The following EXOC6 variants were observed in gnomAD, a reference collection of about 807,000 sequenced individuals.
The protein encoded by EXOC6 is SEC15-like 1.
EXOC6 carries 60 observed loss-of-function variants against 112.5 expected under a neutral mutation model. That is an observed-to-expected ratio of 0.53 (90% CI 0.43 to 0.66). The LOEUF (loss-of-function observed/expected upper bound fraction) is 0.66, where lower values mean the gene tolerates loss of function less well. Among genes scored for constraint, EXOC6 ranks in the 30% least tolerant of loss-of-function variants. The pLI, the probability that EXOC6 is intolerant of heterozygous loss-of-function variation, is 0.00. For missense variants in EXOC6, 855 were observed against 957.1 expected (o/e 0.89, Z 1.41); for synonymous variants, 295 against 308.0 (o/e 0.96, Z 0.44).
At chr10:93,007,445 G>A (rs907433660) in intron 19 of EXOC6, among the ~76,000 whole-genome samples, 9 of 152,200 alleles carry the variant, frequency 5.9e-5, no homozygotes, top group Middle Eastern at 3.4e-3. Flanking sequence ...GAGGTCAGGC[G>A]TTCAAGACCA....
intron 17 of EXOC6, among the ~76,000 whole-genome samples, chr10:92,963,575 A>T (rs954700946): frequency 6.6e-6 from 1 of 150,524 alleles, no homozygotes; most frequent in African/African-American, 2.5e-5. Context: ...GCAGCCTTGA[A>T]CTCCTGGGCT....
At chr10:92,851,674 A>C (rs984844054) in intron 1 of EXOC6, among the ~76,000 whole-genome samples, 3 of 143,400 alleles carry the variant, frequency 2.1e-5, no homozygotes, top group African/African-American at 5.5e-5. Context: ...AAAAACAAAC[A>C]AAAAAAAAAC....
chr10:93,009,099 A>G (rs1297848351), intron 19 of EXOC6, among the ~76,000 whole-genome samples: 3 of 152,132 alleles, frequency 2.0e-5, no homozygotes, highest in Non-Finnish European at 4.4e-5. Flanking sequence ...CTGTAGTCCC[A>G]GCTACTCAGG....
At chr10:92,884,961 G>A (rs1020494034) in intron 1 of EXOC6, among the ~76,000 whole-genome samples, 6 of 152,182 alleles carry the variant, frequency 3.9e-5, no homozygotes, top group South Asian at 2.1e-4. Context: ...TCAAGTGGCC[G>A]TAGTTTCTCA....
At chr10:92,937,005 A>G (rs1055036441) in intron 12 of EXOC6, among the ~76,000 whole-genome samples, 1 of 152,202 alleles carries the variant, frequency 6.6e-6, no homozygotes, top group Non-Finnish European at 1.5e-5. Flanking sequence ...TCACCCCCTG[A>G]GATGTTGAAA....
intron 15 of EXOC6, among the ~76,000 whole-genome samples, chr10:92,954,000 G>T (rs1420372952): frequency 6.6e-6 from 1 of 152,108 alleles, no homozygotes; most frequent in Non-Finnish European, 1.5e-5. Flanking sequence ...GTCTTTTGGG[G>T]CTGGGCGCGG....
intron 13 of EXOC6, among the ~76,000 whole-genome samples, chr10:92,943,801 G>T (rs1852812102): frequency 6.6e-6 from 1 of 151,806 alleles, no homozygotes; most frequent in South Asian, 2.1e-4. Context: ...TCACCTTGCT[G>T]TGGAATAGAT....
At chr10:92,828,690 CTGTGTGTG>C (rs71028851) in intron 1 of EXOC6, among the ~76,000 whole-genome samples, 19,713 of 105,024 alleles carry the variant, frequency 0.19, 1,940 homozygotes, top group Non-Finnish European at 0.2. Flanking sequence ...TTTTGTGTGT[CTGTGTGTG>C]TGTGTGTGTG....
chr10:92,860,265 C>CTTTTT (rs35900396), intron 1 of EXOC6, among the ~76,000 whole-genome samples: 8 of 88,018 alleles, frequency 9.1e-5, no homozygotes, highest in Non-Finnish European at 1.2e-4. Flanking sequence ...ATCTCCACAA[C>CTTTTT]TTTTTTTTTT....
chr10:92,905,720 T>G (rs1030406501), intron 5 of EXOC6, among the ~76,000 whole-genome samples: 2 of 152,112 alleles, frequency 1.3e-5, no homozygotes, highest in African/African-American at 4.8e-5. Context: ...TTGTATAATT[T>G]CTGTTCCTTT....
chr10:92,904,170 A>G lies in EXOC6; in HGVS notation c.458+4526A>G, dbSNP rs185225817. Among the ~76,000 whole-genome samples the G allele has an allele frequency of 3.3e-3, 499 of 152,154 alleles. 4 individuals are homozygous for G. Among genetic ancestry groups the G allele is most frequent in the African/African-American group, 0.011 (461 of 41,548 alleles). The stretch of plus-strand genomic sequence containing the variant: ...CTTTTTTATCACTGAATAATACTAC[A>G]CTGTATGGATGAACCATAGTTTATC... On this transcript the variant is annotated intron_variant, in intron 5 of 21. Coordinates refer to ENST00000260762, the MANE Select transcript of EXOC6 (RefSeq NM_019053.6).
chr10:92,966,858 C>T (rs1196888397), intron 17 of EXOC6, among the ~76,000 whole-genome samples: 3 of 145,798 alleles, frequency 2.1e-5, no homozygotes, highest in Admixed American at 7.0e-5. Context: ...CCTGCGGAAT[C>T]GCCACACTGA....
chr10:93,012,953 C>T (rs1416534756), intron 19 of EXOC6, among the ~76,000 whole-genome samples: 1 of 151,510 alleles, frequency 6.6e-6, no homozygotes, highest in African/African-American at 2.4e-5. Context: ...GAGGCTGATT[C>T]CTTGAGCCCA....
At chr10:92,969,786 C>A (rs1307363873) in intron 17 of EXOC6, among the ~76,000 whole-genome samples, 1 of 152,048 alleles carries the variant, frequency 6.6e-6, no homozygotes. Flanking sequence ...CTCTGCCTTC[C>A]GGGTTCAAGC....
chr10:92,901,909 T>C (rs924613117), intron 5 of EXOC6: 1 of 122,326 alleles, frequency 8.2e-6, no homozygotes, highest in East Asian at 2.4e-4. Context: ...TGGTGGGGGG[T>C]GGGTGCTGAG....
At chr10:92,904,568 C>G (rs1015988463) in intron 5 of EXOC6, among the ~76,000 whole-genome samples, 1 of 152,012 alleles carries the variant, frequency 6.6e-6, no homozygotes, top group Non-Finnish European at 1.5e-5. Context: ...TGAGCATCTT[C>G]TCACATGTAT....
chr10:92,868,799 T>TCCTC (rs1433984847), intron 1 of EXOC6, among the ~76,000 whole-genome samples: 6 of 151,106 alleles, frequency 4.0e-5, no homozygotes, highest in East Asian at 3.9e-4. Context: ...CTCCCTTCTT[T>TCCTC]CCTCCCTCCC....
chr10:93,055,710 G>GTTA (rs2134390473), intron 20 of EXOC6, among the ~76,000 whole-genome samples: 1 of 73,706 alleles, frequency 1.4e-5, no homozygotes, highest in African/African-American at 4.7e-5. Context: ...TTCAACTGTT[G>GTTA]GTATGGCCCA....
chr10:93,032,500 G>A (rs974752789), intron 20 of EXOC6, among the ~76,000 whole-genome samples: 11 of 152,142 alleles, frequency 7.2e-5, no homozygotes, highest in African/African-American at 2.7e-4. Flanking sequence ...CTCAAAGGCA[G>A]CATATGTGAC....
Sources: gnomAD v4.1 joint callset for allele counts (sites outside exome capture counted in the v4.1 genomes callset) on GRCh38, gnomAD v4.1.1 for gene constraint, MANE v1.5 for transcripts, NCBI Gene and HGNC (gene_info 2026-07-23, HGNC 2026-07-21) for gene names.